ABL2: variants seen among roughly 807,000 people sequenced by gnomAD.
ABL2 encodes tyrosine-protein kinase ABL2.
Under a neutral mutation model 107.7 loss-of-function variants are expected in ABL2, and 49 were observed. That is an observed-to-expected ratio of 0.45 (90% CI 0.36 to 0.58). The LOEUF is 0.58. Ranked by LOEUF, ABL2 falls within the 20% of genes least tolerant of loss-of-function variation. The pLI is 0.00. For missense variants in ABL2, 1,245 were observed against 1,457.0 expected (o/e 0.85, Z 2.37); for synonymous variants, 549 against 548.6 (o/e 1.00, Z -0.01).
intron 3 of ABL2, among the ~76,000 whole-genome samples, chr1:179,130,028 G>A (rs1221303908): frequency 5.3e-5 from 8 of 151,994 alleles, no homozygotes; most frequent in South Asian, 2.1e-4. Flanking sequence ...CAACCTCCCC[G>A]TCCCAAGTTC....
At chr1:179,131,897 A>G (rs940024695) in intron 2 of ABL2, among the ~76,000 whole-genome samples, 8 of 152,352 alleles carry the variant, frequency 5.3e-5, no homozygotes, top group African/African-American at 1.9e-4. Flanking sequence ...AGTTTCTTAC[A>G]AGTCCACTCA....
At position 179,117,417 on chromosome 1, in the gene ABL2, A is replaced by G; in HGVS notation, c.1323T>C (p.Ala441=). 1.2e-6 allele frequency: 2 copies of G among 1,614,184 alleles called. No individual in the cohort carries two copies. The highest frequency in any genetic ancestry group is 1.7e-6 in the Non-Finnish European group (2 of 1,180,030). ...SRLMTGDTYT[A]HAGAKFPIKW... ...TAATAGGAAATTTGGCTCCAGCATG[A>G]GCAGTATAAGTGTCTCCAGTCATCA... Residue 441 remains alanine (A), a synonymous_variant, in exon 8 of 12, where the codon GCT becomes GCC. Transcript: ENST00000502732.
At chr1:179,174,920 A>AAATAATAAT (rs374695562) in intron 1 of ABL2, among the ~76,000 whole-genome samples, 50 of 122,870 alleles carry the variant, frequency 4.1e-4, no homozygotes, top group African/African-American at 8.0e-4. Context: ...AAAATAAAAA[A>AAATAATAAT]AATAATAATA....
chr1:179,174,133 C>G (rs1401039826), intron 1 of ABL2, among the ~76,000 whole-genome samples: 1 of 151,908 alleles, frequency 6.6e-6, no homozygotes, highest in Non-Finnish European at 1.5e-5. Context: ...ACTAAAAATA[C>G]AAAAAGTAGC....
At chr1:179,202,649 T>C (rs916848864) in intron 1 of ABL2, among the ~76,000 whole-genome samples, 3 of 152,220 alleles carry the variant, frequency 2.0e-5, no homozygotes, top group African/African-American at 7.2e-5. Context: ...ACTGCTGAAA[T>C]GTCTTCTGCC....
chr1:179,115,429 A>T (rs1350929648), intron 8 of ABL2, among the ~76,000 whole-genome samples: 1 of 152,176 alleles, frequency 6.6e-6, no homozygotes, highest in Non-Finnish European at 1.5e-5. Flanking sequence ...CAAGGTCCAA[A>T]AATATTAAAT....
At chr1:179,119,352 T>C (rs1265986611) in intron 6 of ABL2, among the ~76,000 whole-genome samples, 1 of 151,906 alleles carries the variant, frequency 6.6e-6, no homozygotes, top group Non-Finnish European at 1.5e-5. Context: ...GACTTGACTG[T>C]CCAACATAGC....
intron 1 of ABL2, among the ~76,000 whole-genome samples, chr1:179,145,709 G>T (rs968159496): frequency 3.9e-5 from 6 of 152,148 alleles, no homozygotes; most frequent in Non-Finnish European, 8.8e-5. Context: ...GGTAGGAAAA[G>T]AACCTGGTAT....
intron 1 of ABL2, among the ~76,000 whole-genome samples, chr1:179,224,421 C>T (rs545536380): frequency 6.6e-6 from 1 of 151,732 alleles, no homozygotes; most frequent in African/African-American, 2.4e-5. Context: ...TGCCCGCCAC[C>T]ACACCTGGCT....
chr1:179,153,825 C>T (rs1159695760), intron 1 of ABL2, among the ~76,000 whole-genome samples: 1 of 152,152 alleles, frequency 6.6e-6, no homozygotes, highest in Non-Finnish European at 1.5e-5. Context: ...AACAGATTGC[C>T]TGATTCCTAT....
intron 6 of ABL2, among the ~76,000 whole-genome samples, 195 bp downstream of exon 6, chr1:179,119,995 G>C (rs1273554546): frequency 6.6e-6 from 1 of 152,146 alleles, no homozygotes; most frequent in Non-Finnish European, 1.5e-5. Context: ...AAAAGGCGGG[G>C]CATGGTGGCT....
chr1:179,142,845 C>A, intron 1 of ABL2: 1 of 1,450,352 alleles, frequency 6.9e-7, no homozygotes, highest in South Asian at 1.3e-5. Context: ...AAAACAGTAG[C>A]AGATAAGATG....
chr1:179,195,119 C>G (rs1441918728), intron 1 of ABL2, among the ~76,000 whole-genome samples: 2 of 152,088 alleles, frequency 1.3e-5, no homozygotes, highest in South Asian at 2.1e-4. Flanking sequence ...GAAACCCCAT[C>G]TCTACTAAAA....
intron 1 of ABL2, among the ~76,000 whole-genome samples, chr1:179,142,398 CTG>C (rs1031659864): frequency 6.6e-6 from 1 of 151,960 alleles, no homozygotes; most frequent in African/African-American, 2.4e-5. Flanking sequence ...AATAATAAAA[CTG>C]AAATTGAGAA....
intron 1 of ABL2, among the ~76,000 whole-genome samples, chr1:179,195,190 A>G (rs1215211892): frequency 4.6e-5 from 7 of 152,184 alleles, no homozygotes; most frequent in African/African-American, 1.7e-4. Flanking sequence ...CAAGAAGCTG[A>G]GGCAAGAGAA....
At chr1:179,143,646 T>C (rs900622266) in intron 1 of ABL2, among the ~76,000 whole-genome samples, 7 of 152,252 alleles carry the variant, frequency 4.6e-5, no homozygotes, top group Non-Finnish European at 7.3e-5. Flanking sequence ...CATGGCAATA[T>C]AGTGTTGAAA....
At chr1:179,116,172 G>C (rs1025812747) in intron 8 of ABL2, among the ~76,000 whole-genome samples, 1 of 152,192 alleles carries the variant, frequency 6.6e-6, no homozygotes, top group Non-Finnish European at 1.5e-5. Context: ...TCAGGAGTTC[G>C]AGACCAGCCT....
chr1:179,179,092 T>G (rs1039558987), intron 1 of ABL2, among the ~76,000 whole-genome samples: 1 of 152,190 alleles, frequency 6.6e-6, no homozygotes, highest in African/African-American at 2.4e-5. Context: ...AACAGTTACA[T>G]CCTAAGCAGG....
At chr1:179,134,921 G>A (rs568581228) in intron 1 of ABL2, among the ~76,000 whole-genome samples, 129 of 152,356 alleles carry the variant, frequency 8.5e-4, no homozygotes, top group African/African-American at 3.0e-3. Context: ...TGGTGGAGAC[G>A]GGGTTTCGCT....
Sources: allele counts gnomAD v4.1 joint callset (sites outside exome capture counted in the v4.1 genomes callset), GRCh38; gene constraint gnomAD v4.1.1; transcripts MANE v1.5; gene names NCBI Gene and HGNC (gene_info 2026-07-23, HGNC 2026-07-21).